Variants in MATR3 observed in about 807,000 individuals in gnomAD.
MATR3 encodes the protein matrin-3.
MATR3 carries 4 observed loss-of-function variants against 85.5 expected under a neutral mutation model. That is an observed-to-expected ratio of 0.05 (90% CI 0.02 to 0.11). The LOEUF (loss-of-function observed/expected upper bound fraction) is 0.11, where lower values mean the gene tolerates loss of function less well. Among genes scored for constraint, MATR3 ranks in the 10% least tolerant of loss-of-function variants. MATR3 has a pLI of 1.00. For synonymous variants in MATR3, 336 were observed against 343.1 expected (o/e 0.98, Z 0.23); for missense variants, 685 against 1,016.1 (o/e 0.67, Z 4.43).
chr5:139,328,180 A>C (rs1485465528), intron 14 of MATR3, among the ~76,000 whole-genome samples: 1 of 146,478 alleles, frequency 6.8e-6, no homozygotes, highest in Admixed American at 6.8e-5. Flanking sequence ...CCTTTTATTA[A>C]AAAAAAAAAA....
intron 6 of MATR3, 22 bp from the exon 7 acceptor site, chr5:139,317,574 G>T (rs377664550): frequency 3.0e-5 from 48 of 1,603,714 alleles, no homozygotes; most frequent in East Asian, 1.1e-4. Flanking sequence ...TAATTGCTTG[G>T]TTTTTTTCCC....
At chr5:139,302,330 ATAGAT>A (rs761604197) in intron 1 of MATR3, among the ~76,000 whole-genome samples, 118 of 152,318 alleles carry the variant, frequency 7.7e-4, no homozygotes, top group Admixed American at 1.6e-3. Flanking sequence ...ACTCAAAAAC[ATAGAT>A]TAGAGAGCAT....
intron 12 of MATR3, 112 bp downstream of exon 12, chr5:139,323,079 A>C (rs562058371): frequency 9.8e-5 from 104 of 1,066,610 alleles, no homozygotes; most frequent in Non-Finnish European, 1.1e-4. Context: ...TCAGAAAATA[A>C]ATCAGATATG....
At chr5:139,303,748 C>CT (rs577357270) in intron 1 of MATR3, among the ~76,000 whole-genome samples, 45 of 149,434 alleles carry the variant, frequency 3.0e-4, no homozygotes, top group Middle Eastern at 3.4e-3. Context: ...CAGACACTGT[C>CT]TTTTTTTTTT....
chr5:139,321,781 TCAAAAAA>T (rs1755586979), intron 9 of MATR3, 110 bp from the exon 10 acceptor site: 8 of 788,796 alleles, frequency 1.0e-5, no homozygotes, highest in Non-Finnish European at 1.6e-5. Flanking sequence ...AGACCCTGTC[TCAAAAAA>T]GAAAAAAAGT....
chr5:139,285,673 CAAAAAAAA>C (rs1753679739), intron 3 of MATR3, among the ~76,000 whole-genome samples: 2 of 150,758 alleles, frequency 1.3e-5, no homozygotes, highest in African/African-American at 4.9e-5. Flanking sequence ...AACTCCGTCT[CAAAAAAAA>C]GAATTAAATG....
At chr5:139,281,037 G>T (rs1048516766) in intron 3 of MATR3, among the ~76,000 whole-genome samples, 4 of 151,964 alleles carry the variant, frequency 2.6e-5, no homozygotes, top group African/African-American at 9.7e-5. Flanking sequence ...TTGATAGAGG[G>T]TCTCAACTGT....
chr5:139,313,981 G>C (rs1755124167), intron 2 of MATR3: 1 of 152,560 alleles, frequency 6.6e-6, no homozygotes, highest in African/African-American at 2.4e-5. Context: ...CAGTGGCGCA[G>C]TCTCAGCTCA....
upstream of MATR3, among the ~76,000 whole-genome samples, chr5:139,293,035 T>G (rs1753930719): frequency 6.6e-6 from 1 of 152,082 alleles, no homozygotes; most frequent in African/African-American, 2.4e-5. Flanking sequence ...GAGCACTGCT[T>G]GAGCCAAGGA....
intron 1 of MATR3, among the ~76,000 whole-genome samples, chr5:139,305,079 CCTT>C (rs1162240950): frequency 6.6e-6 from 1 of 152,152 alleles, no homozygotes; most frequent in African/African-American, 2.4e-5. Flanking sequence ...ACCCTAATAT[CCTT>C]GATGGAGCTG....
chr5:139,283,978 C>A (rs1753621143), intron 3 of MATR3, among the ~76,000 whole-genome samples: 2 of 152,186 alleles, frequency 1.3e-5, no homozygotes, highest in African/African-American at 2.4e-5. Context: ...TGTCATAGTA[C>A]CATGTTGTAC....
chr5:139,330,469 G>A lies in MATR3; in HGVS notation c.*1074G>A, dbSNP rs756249632. On this transcript the variant is annotated 3_prime_UTR_variant, in exon 15 of 15. Coordinates refer to ENST00000394805, the MANE Select transcript of MATR3 (RefSeq NM_018834.6). ...TATTTGTCAGTTGTGGTTTTTATTCGCTCTTAAACTTTGTGCATGCTTTAA... is the reference window on the plus strand; with the variant it reads ...TATTTGTCAGTTGTGGTTTTTATTCACTCTTAAACTTTGTGCATGCTTTAA... The A allele has an allele frequency of 1.5e-5, 7 of 454,156 alleles. No homozygotes were observed. Among genetic ancestry groups the A allele is most frequent in the African/African-American group, 4.0e-5 (2 of 49,974 alleles). The allele number at this position is 454,156 out of a possible 1,614,324, so 28.1% of individuals were successfully genotyped here.
intron 2 of MATR3, chr5:139,312,623 G>A (rs1252696364): frequency 6.6e-6 from 1 of 152,150 alleles, no homozygotes; most frequent in African/African-American, 2.4e-5. Context: ...CTATTTGGAT[G>A]AGTTCCATTT....
Position 139,298,134 on chromosome 5 carries a change from GT to G in MATR3, c.-178+4336del, listed in dbSNP as rs371102970. ...CAGATCTTTTAGGATGATGTGTTTG[GT>G]TTTTTTCCTCCTTTGTGAGGATTAT... is the stretch of plus-strand genomic sequence containing the variant. On this transcript the variant is annotated intron_variant, in intron 1 of 14. Transcript: ENST00000394805. Among the ~76,000 whole-genome samples the G allele has an allele frequency of 1.3e-3, 204 of 152,222 alleles. 6 individuals are homozygous for G. Among genetic ancestry groups the G allele is most frequent in the African/African-American group, 4.6e-3 (193 of 41,530 alleles).
At chr5:139,321,086 A>G (rs1755543668) in intron 9 of MATR3, among the ~76,000 whole-genome samples, 1 of 151,440 alleles carries the variant, frequency 6.6e-6, no homozygotes, top group Non-Finnish European at 1.5e-5. Context: ...GTGTATATAG[A>G]TGGCTTAGTA....
intron 3 of MATR3, among the ~76,000 whole-genome samples, chr5:139,284,136 A>G (rs1302837438): frequency 6.6e-6 from 1 of 152,234 alleles, no homozygotes; most frequent in Admixed American, 6.5e-5. Context: ...CCCAAAATAG[A>G]GTAAGAATAT....
intron 2 of MATR3, among the ~76,000 whole-genome samples, chr5:139,277,805 T>C (rs1048039276): frequency 4.6e-5 from 7 of 150,830 alleles, no homozygotes; most frequent in African/African-American, 1.7e-4. Flanking sequence ...GTATATGTTA[T>C]ATGGGGTACA....
intron 4 of MATR3, 147 bp from the exon 5 acceptor site, chr5:139,315,929 A>G: frequency 1.3e-6 from 1 of 773,156 alleles, no homozygotes; most frequent in African/African-American, 1.7e-5. Flanking sequence ...TTTATTGTTA[A>G]TGTAGACTTT....
chr5:139,302,449 A>AC (rs1437005082), intron 1 of MATR3, among the ~76,000 whole-genome samples: 4 of 152,204 alleles, frequency 2.6e-5, no homozygotes, highest in Non-Finnish European at 5.9e-5. Context: ...GTTAGGAAAT[A>AC]TTATATACAC....
Sources: allele counts gnomAD v4.1 joint callset (sites outside exome capture counted in the v4.1 genomes callset), GRCh38; gene constraint gnomAD v4.1.1; transcripts MANE v1.5; gene names NCBI Gene and HGNC (gene_info 2026-07-23, HGNC 2026-07-21).